HS1BP3: variants seen among roughly 807,000 people sequenced by gnomAD.
The protein encoded by HS1BP3 is HCLS1 binding protein 3.
A neutral mutation model predicts 33.5 loss-of-function variants in HS1BP3; 32 were observed. That is an observed-to-expected ratio of 0.95 (90% confidence interval 0.72 to 1.28). The LOEUF is 1.28. Among genes scored for constraint, HS1BP3 ranks in the 50% most tolerant of loss-of-function variants. The pLI, the probability that HS1BP3 is intolerant of heterozygous loss-of-function variation, is 0.00. For synonymous variants in HS1BP3, 187 were observed against 209.2 expected, an observed-to-expected ratio of 0.89 and a Z score of 0.92; for missense variants, 486 against 502.3, an observed-to-expected ratio of 0.97 and a Z score of 0.31.
intron 2 of HS1BP3, among the ~76,000 whole-genome samples, chr2:20,641,977 A>G (rs1695366111): frequency 6.6e-6 from 1 of 152,176 alleles, no homozygotes; most frequent in Non-Finnish European, 1.5e-5. Flanking sequence ...GTCTGTAACC[A>G]TGTGGGTGCT....
chr2:20,621,522 C>T (rs1694601827), intron 6 of HS1BP3, among the ~76,000 whole-genome samples: 1 of 152,220 alleles, frequency 6.6e-6, no homozygotes, highest in African/African-American at 2.4e-5. Context: ...GTCAGATGTT[C>T]CGGAGCTCCC....
rs76773766 is a variant in HS1BP3 at position 20,570,092 on chromosome 2, G to A, written c.303-9577C>T. Among the ~76,000 whole-genome samples the A allele has an allele frequency of 7.6e-3, 1,156 of 152,054 alleles. 12 individuals carry two copies. The highest frequency in any genetic ancestry group is 0.026 in the African/African-American group (1,073 of 41,476). ...TGAATCAGTCTACTCCCCTAACCCC[G>A]GCCACAAGCAATTCCAGGGCTTTTG... is the stretch of plus-strand genomic sequence containing the variant. On this transcript the variant is annotated intron_variant, in intron 5 of 5. Transcript: ENST00000446825.
downstream of HS1BP3, among the ~76,000 whole-genome samples, chr2:20,617,661 A>G (rs3732158): frequency 0.23 from 35,645 of 152,138 alleles, 4,942 homozygotes; most frequent in Non-Finnish European, 0.32. Context: ...AAAGGGTCTG[A>G]GGTCCTAGTC....
At chr2:20,556,955 C>T (rs966524799), downstream of HS1BP3, among the ~76,000 whole-genome samples, 1 of 152,180 alleles carries the variant, frequency 6.6e-6, no homozygotes, top group Non-Finnish European at 1.5e-5. Flanking sequence ...GATTTCCTTT[C>T]AGGGCACCAC....
chr2:20,624,312 G>A (rs1419169898), intron 5 of HS1BP3, among the ~76,000 whole-genome samples: 4 of 152,182 alleles, frequency 2.6e-5, no homozygotes, highest in Non-Finnish European at 5.9e-5. Context: ...CACCAAGTAT[G>A]GGCTGAATTA....
chr2:20,633,865 T>C (rs1695040095), intron 4 of HS1BP3, among the ~76,000 whole-genome samples: 1 of 152,246 alleles, frequency 6.6e-6, no homozygotes, highest in Admixed American at 6.5e-5. Flanking sequence ...GCATGCACAC[T>C]GTGCTGCTGT....
chr2:20,638,784 G>A (rs1040881400), intron 3 of HS1BP3, 132 bp from the exon 4 acceptor site: 39 of 687,852 alleles, frequency 5.7e-5, no homozygotes, highest in South Asian at 9.4e-5. Flanking sequence ...GACCAAACTC[G>A]TCCCTCCTGG....
Position 20,641,026 on chromosome 2 carries a change from C to T in HS1BP3, c.353G>A (p.Cys118Tyr), listed in dbSNP as rs759545136. The change falls in exon 3 of 7, where the codon TGT (cysteine) becomes TAT (tyrosine). Residue 118 changes from cysteine (C) to tyrosine (Y), a missense_variant. Coordinates refer to ENST00000304031, the MANE Select transcript of HS1BP3 (RefSeq NM_022460.4). ...RRAVFNEILR[C>Y]VSKDAELAGS... ...TGCCAACTCGGCATCCTTGGAGACACAGCGCAGGATCTCATTGAACACGGC... is the reference window on the plus strand; with the variant it reads ...TGCCAACTCGGCATCCTTGGAGACATAGCGCAGGATCTCATTGAACACGGC... The T allele has an allele frequency of 6.2e-7, 1 of 1,614,214 alleles. No individual in the cohort carries two copies. The highest frequency in any genetic ancestry group is 8.5e-7 in the Non-Finnish European group (1 of 1,180,034).
intron 4 of HS1BP3, among the ~76,000 whole-genome samples, chr2:20,625,250 T>G (rs948892319): frequency 6.6e-6 from 1 of 152,248 alleles, no homozygotes; most frequent in South Asian, 2.1e-4. Context: ...GTTCAAGAAA[T>G]GACCACTGTC....
chr2:20,588,530 G>A (rs917714917), downstream of HS1BP3, among the ~76,000 whole-genome samples: 10 of 152,132 alleles, frequency 6.6e-5, no homozygotes, highest in Non-Finnish European at 1.3e-4. Flanking sequence ...ATGTTGGCCA[G>A]GCTGGTCTCG....
chr2:20,632,753 G>T (rs1695007009), intron 4 of HS1BP3, among the ~76,000 whole-genome samples: 2 of 152,196 alleles, frequency 1.3e-5, no homozygotes, highest in Admixed American at 6.5e-5. Context: ...ATTCAGGTAA[G>T]CAGGCTCCTT....
chr2:20,570,788 G>T (rs1693248193), intron 5 of HS1BP3, among the ~76,000 whole-genome samples: 1 of 152,168 alleles, frequency 6.6e-6, no homozygotes, highest in Admixed American at 6.5e-5. Flanking sequence ...TGGAGCAAGT[G>T]GCTCTCTGAG....
At chr2:20,626,382 A>C (rs1694784693) in intron 4 of HS1BP3, among the ~76,000 whole-genome samples, 1 of 152,244 alleles carries the variant, frequency 6.6e-6, no homozygotes, top group Non-Finnish European at 1.5e-5. Context: ...GGATCTCTGC[A>C]GGGCTCGTTT....
intron 5 of HS1BP3, among the ~76,000 whole-genome samples, chr2:20,567,438 G>A (rs768113244): frequency 2.6e-5 from 4 of 152,170 alleles, no homozygotes; most frequent in Non-Finnish European, 2.9e-5. Context: ...AGGAGGGCCC[G>A]GCCCCAAGTA....
rs142216215 is a variant in HS1BP3 at position 20,603,273 on chromosome 2, C to T, written c.179-5008G>A. On this transcript the variant is annotated intron_variant, in intron 2 of 3. Coordinates refer to the HS1BP3 transcript ENST00000415264. Reference sequence around the variant, plus strand: ...AACATAGGTCCACACCAAAACTACACATGAATGTTCACAGCAACATTATTC... The same window carrying T: ...AACATAGGTCCACACCAAAACTACATATGAATGTTCACAGCAACATTATTC... Among the ~76,000 whole-genome samples, 18 of 152,292 alleles carry T rather than the reference C, an allele frequency of 1.2e-4. No homozygotes were observed. The East Asian group carries it at 3.3e-3, about 28-fold the overall frequency.
intron 5 of HS1BP3, among the ~76,000 whole-genome samples, chr2:20,568,157 C>A (rs1282444380): frequency 2.0e-5 from 3 of 152,146 alleles, no homozygotes; most frequent in African/African-American, 7.2e-5. Flanking sequence ...CAGACACAAA[C>A]CCAAGTCAGT....
downstream of HS1BP3, among the ~76,000 whole-genome samples, chr2:20,589,243 T>C (rs1363577752): frequency 6.6e-6 from 1 of 152,220 alleles, no homozygotes; most frequent in African/African-American, 2.4e-5. Flanking sequence ...TTGTGGTCAC[T>C]GCCAGGGCCT....
chr2:20,567,309 C>G (rs931828642), intron 5 of HS1BP3, among the ~76,000 whole-genome samples: 4 of 152,202 alleles, frequency 2.6e-5, no homozygotes, highest in African/African-American at 9.7e-5. Context: ...GCTTCTAGAA[C>G]AAGGGGGCAG....
chr2:20,630,806 C>A (rs960232038), intron 4 of HS1BP3, among the ~76,000 whole-genome samples: 18 of 152,118 alleles, frequency 1.2e-4, no homozygotes, highest in African/African-American at 4.1e-4. Flanking sequence ...GTGCTCCGGG[C>A]AGAGAGAAGA....
Sources: gnomAD v4.1 joint callset for allele counts (sites outside exome capture counted in the v4.1 genomes callset) on GRCh38, gnomAD v4.1.1 for gene constraint, MANE v1.5 for transcripts, NCBI Gene and HGNC (gene_info 2026-07-23, HGNC 2026-07-21) for gene names.